The following TRIM9 variants were observed in gnomAD, a reference collection of about 807,000 sequenced individuals.
The protein encoded by TRIM9 is tripartite motif containing 9.
Under a neutral mutation model 78.3 loss-of-function variants are expected in TRIM9, and 26 were observed. The observed-to-expected ratio is 0.33, with a 90% CI of 0.24 to 0.46. TRIM9 has a LOEUF of 0.46. TRIM9 is among the 20% of genes least tolerant of loss of function. The pLI, the probability that TRIM9 is intolerant of heterozygous loss-of-function variation, is 1.00. For synonymous variants in TRIM9, 398 were observed against 416.5 expected, an observed-to-expected ratio of 0.96 and a Z score of 0.54; for missense variants, 787 against 1,036.4, an observed-to-expected ratio of 0.76 and a Z score of 3.30.
chr14:50,978,977 T>C (rs1285707293), intron 12 of TRIM9: 3 of 1,129,808 alleles, frequency 2.7e-6, no homozygotes, highest in Non-Finnish European at 3.3e-6. Flanking sequence ...TGCTCAGATT[T>C]TCTGATAATG....
At chr14:51,036,704 G>C (rs2059183857) in intron 1 of TRIM9, among the ~76,000 whole-genome samples, 3 of 152,140 alleles carry the variant, frequency 2.0e-5, no homozygotes, top group Admixed American at 2.0e-4. Flanking sequence ...ATCCAGTGTT[G>C]GTTGAATCTA....
intron 1 of TRIM9, among the ~76,000 whole-genome samples, chr14:51,054,775 G>A (rs2060756263): frequency 1.3e-5 from 2 of 151,930 alleles, no homozygotes; most frequent in African/African-American, 4.8e-5. Context: ...TCTTGACCTC[G>A]TGATCCACCT....
intron 11 of TRIM9, among the ~76,000 whole-genome samples, chr14:50,981,007 T>C (rs565237485): frequency 2.0e-5 from 3 of 151,302 alleles, no homozygotes; most frequent in East Asian, 3.9e-4. Context: ...GAGACACTAA[T>C]GAGAATGTAT....
chr14:51,025,228 C>CCGG, intron 2 of TRIM9, 37 bp downstream of exon 2: 1 of 1,567,148 alleles, frequency 6.4e-7, no homozygotes. Flanking sequence ...TACGTATTAA[C>CCGG]CGGCGGGTTT....
chr14:51,061,657 T>C (rs1198366426), intron 1 of TRIM9, among the ~76,000 whole-genome samples: 1 of 152,206 alleles, frequency 6.6e-6, no homozygotes, highest in East Asian at 1.9e-4. Flanking sequence ...CTTATACTTT[T>C]AGGCCTATGA....
chr14:51,015,650 A>T (rs2057109493), intron 3 of TRIM9, among the ~76,000 whole-genome samples: 1 of 150,262 alleles, frequency 6.7e-6, no homozygotes, highest in South Asian at 2.1e-4. Flanking sequence ...GGTAGCTGGG[A>T]CTACAGGCAC....
rs184532696 is a variant in TRIM9 at position 50,983,651 on chromosome 14, C to T, written c.1793-230G>A. Reference sequence around the variant, plus strand: ...TTTAATAAATCCTCCTCCAATTGATCCTAAACTCTGTAGCTGAATTTTTCA... The same window carrying T: ...TTTAATAAATCCTCCTCCAATTGATTCTAAACTCTGTAGCTGAATTTTTCA... On this transcript the variant is annotated intron_variant, in intron 8 of 12. Coordinates refer to ENST00000684578, the MANE Select transcript of TRIM9 (RefSeq NM_001387360.1). Among the ~76,000 whole-genome samples the T allele has an allele frequency of 9.8e-4, 150 of 152,298 alleles. 1 individual carries two copies. The highest frequency in any genetic ancestry group is 3.5e-3 in the African/African-American group (146 of 41,558).
At chr14:51,050,958 A>G (rs2060368466) in intron 1 of TRIM9, among the ~76,000 whole-genome samples, 2 of 152,212 alleles carry the variant, frequency 1.3e-5, no homozygotes, top group Admixed American at 6.5e-5. Context: ...GGAGACTCCA[A>G]CAGAACCACC....
intron 1 of TRIM9, among the ~76,000 whole-genome samples, chr14:51,072,823 T>C (rs1221486722): frequency 1.3e-5 from 2 of 152,166 alleles, no homozygotes; most frequent in Non-Finnish European, 2.9e-5. Flanking sequence ...ATGCACAATA[T>C]CTGACAATGA....
At chr14:51,080,401 GA>G (rs1332173081) in intron 1 of TRIM9, among the ~76,000 whole-genome samples, 7 of 150,182 alleles carry the variant, frequency 4.7e-5, no homozygotes, top group South Asian at 2.1e-4. Context: ...AGAGTCCCCA[GA>G]AGGGAGAATA....
Position 51,025,245 on chromosome 14 carries a change from G to A in TRIM9, c.918+20C>T, listed in dbSNP as rs773267555. 3.7e-5 allele frequency: 60 copies of A among 1,609,548 alleles called. No homozygotes were observed. Among genetic ancestry groups the A allele is most frequent in the East Asian group, 1.1e-4 (5 of 44,880 alleles). ...CGTATTAACCGGCGGGTTTCCTTGCGTCCCAGGTAACACCCATACCTGGAT... is the reference window on the plus strand; with the variant it reads ...CGTATTAACCGGCGGGTTTCCTTGCATCCCAGGTAACACCCATACCTGGAT... On this transcript the variant is annotated intron_variant, in intron 2 of 12. Coordinates refer to ENST00000684578, the MANE Select transcript of TRIM9 (RefSeq NM_001387360.1).
chr14:50,986,148 A>C lies in TRIM9; in HGVS notation c.1604-4T>G. ...GTCTGTTCTTCTGAATCTGTGTCTA[A>C]ATGTAAGATCAATGCAAACTAGAGA... is the stretch of plus-strand genomic sequence containing the variant. On this transcript the variant is annotated splice_polypyrimidine_tract_variant and splice_region_variant and intron_variant, in intron 7 of 12. Coordinates refer to ENST00000684578, the MANE Select transcript of TRIM9 (RefSeq NM_001387360.1). 1.3e-6 allele frequency: 2 copies of C among 1,507,784 alleles called. No individual in the cohort carries two copies. Among genetic ancestry groups the C allele is most frequent in the South Asian group, 1.3e-5 (1 of 76,594 alleles). The allele number at this position is 1,507,784 out of a possible 1,614,324, so 93.4% of individuals were successfully genotyped here.
At chr14:51,077,366 TCAGTCTCATCTCCAA>T in intron 1 of TRIM9, among the ~76,000 whole-genome samples, 1 of 148,190 alleles carries the variant, frequency 6.7e-6, no homozygotes, top group African/African-American at 2.5e-5. Context: ...GTCCTGGCCC[TCAGTCTCATCTCCAA>T]TTCTGTTTTT....
intron 1 of TRIM9, among the ~76,000 whole-genome samples, chr14:51,038,806 C>T (rs976519274): frequency 6.6e-6 from 1 of 152,138 alleles, no homozygotes; most frequent in African/African-American, 2.4e-5. Flanking sequence ...GTTTCAATAA[C>T]ATCTTAAAAG....
chr14:51,063,765 A>G (rs116416325), intron 1 of TRIM9, among the ~76,000 whole-genome samples: 63 of 152,264 alleles, frequency 4.1e-4, no homozygotes, highest in African/African-American at 1.5e-3. Flanking sequence ...AACGGAAAAG[A>G]AAGACATTTT....
At position 51,059,797 on chromosome 14, in the gene TRIM9, CA is replaced by C. The variant is rs58885832; in HGVS notation, c.822+34320del. Among the ~76,000 whole-genome samples the C allele has an allele frequency of 4.2e-3, 504 of 121,422 alleles. 1 individual carries two copies. Among genetic ancestry groups the C allele is most frequent in the African/African-American group, 0.013 (417 of 31,206 alleles). 79.7% of individuals were successfully genotyped at this position (121,422 alleles called of 152,430 possible). ...TGGGTGAAAGAGTGAGACTCTGTCTCAAAAAAAAAAAAACAAAAAAAACACA... is the reference window on the plus strand; with the variant it reads ...TGGGTGAAAGAGTGAGACTCTGTCTCAAAAAAAAAAAACAAAAAAAACACA... On this transcript the variant is annotated intron_variant, in intron 1 of 12. Transcript: ENST00000684578.
intron 1 of TRIM9, among the ~76,000 whole-genome samples, chr14:51,027,707 A>C (rs1023934309): frequency 2.6e-5 from 4 of 152,340 alleles, no homozygotes; most frequent in African/African-American, 9.6e-5. Context: ...CTCCTCAATA[A>C]CTATTAATAT....
chr14:51,048,933 G>A (rs1018266225), intron 1 of TRIM9, among the ~76,000 whole-genome samples: 16 of 149,428 alleles, frequency 1.1e-4, no homozygotes, highest in African/African-American at 3.0e-4. Context: ...GCAGTGAGCC[G>A]AGATCGCACC....
At chr14:51,070,111 T>G (rs12147963) in intron 1 of TRIM9, among the ~76,000 whole-genome samples, 18,618 of 152,230 alleles carry the variant, frequency 0.12, 1,393 homozygotes, top group Middle Eastern at 0.2. Flanking sequence ...TGGTGCTTTT[T>G]GGTGGTGCAT....
Sources: allele counts gnomAD v4.1 joint callset (sites outside exome capture counted in the v4.1 genomes callset), GRCh38; gene constraint gnomAD v4.1.1; transcripts MANE v1.5; gene names NCBI Gene and HGNC (gene_info 2026-07-23, HGNC 2026-07-21).